CDKAL1: variants seen among roughly 807,000 people sequenced by gnomAD.
The protein encoded by CDKAL1 is threonylcarbamoyladenosine tRNA methylthiotransferase.
CDKAL1 carries 32 observed loss-of-function variants against 68.2 expected under a neutral mutation model. The observed-to-expected ratio is 0.47, with a 90% confidence interval of 0.35 to 0.63. The LOEUF (loss-of-function observed/expected upper bound fraction) is 0.63. CDKAL1 is among the 30% of genes least tolerant of loss of function. CDKAL1 has a pLI of 0.00. For synonymous variants in CDKAL1, 234 were observed against 244.3 expected (o/e 0.96, Z 0.39); for missense variants, 606 against 696.7 (o/e 0.87, Z 1.47).
rs543619441 is a variant in CDKAL1, at chr6:21,011,700, T to C, written c.1055+11328T>C. On this transcript the variant is annotated intron_variant, in intron 11 of 15. Coordinates refer to ENST00000274695, the MANE Select transcript of CDKAL1 (RefSeq NM_017774.3). ...ATGCAAGGAACATAAATGTTTACTA[T>C]AGGCTTTTTATGGATGAGAAAGAAA... Among the ~76,000 whole-genome samples, 9 of 152,320 alleles carry C rather than the reference T, an allele frequency of 5.9e-5. No individual in the cohort carries two copies. In the South Asian group the frequency reaches 1.7e-3, roughly 28 times the overall value.
chr6:20,577,906 G>C (rs1197918277), intron 4 of CDKAL1, among the ~76,000 whole-genome samples: 1 of 152,188 alleles, frequency 6.6e-6, no homozygotes, highest in Non-Finnish European at 1.5e-5. Flanking sequence ...ATGAGTGGAA[G>C]AATGAGCCAG....
At chr6:20,984,460 A>G (rs1766331830) in intron 10 of CDKAL1, among the ~76,000 whole-genome samples, 1 of 152,140 alleles carries the variant, frequency 6.6e-6, no homozygotes, top group African/African-American at 2.4e-5. Flanking sequence ...TTACAGTGCC[A>G]TTTTAGCTTT....
At chr6:20,782,067 C>G (rs982470432) in intron 8 of CDKAL1, among the ~76,000 whole-genome samples, 1 of 152,190 alleles carries the variant, frequency 6.6e-6, no homozygotes, top group East Asian at 1.9e-4. Context: ...TCATTGAGAA[C>G]CGGTGAACAG....
chr6:21,193,304 AAGAGAG>A (rs137984788), intron 13 of CDKAL1, among the ~76,000 whole-genome samples: 5 of 150,490 alleles, frequency 3.3e-5, no homozygotes, highest in South Asian at 2.1e-4. Flanking sequence ...ACTGTTTAAA[AAGAGAG>A]AGAGAGAGAG....
intron 11 of CDKAL1, among the ~76,000 whole-genome samples, chr6:21,057,433 T>C (rs927553214): frequency 1.3e-5 from 2 of 150,354 alleles, no homozygotes; most frequent in Non-Finnish European, 3.0e-5. Context: ...GTCCAGCTAG[T>C]AGTCTATCTA....
chr6:21,120,352 T>C (rs6926818), intron 13 of CDKAL1, among the ~76,000 whole-genome samples: 81,210 of 152,124 alleles, frequency 0.53, 22,653 homozygotes, highest in African/African-American at 0.7. Flanking sequence ...AGGGCTAAAA[T>C]CCAGTCTTTT....
chr6:21,217,720 A>G (rs1464308779), intron 15 of CDKAL1, among the ~76,000 whole-genome samples: 1 of 151,490 alleles, frequency 6.6e-6, no homozygotes, highest in Non-Finnish European at 1.5e-5. Context: ...CTGGTCTCGA[A>G]CTCCTGACCT....
At position 20,686,369 on chromosome 6, in the gene CDKAL1, T is replaced by C. The variant is rs536871904; in HGVS notation, c.371+36992T>C. Among the ~76,000 whole-genome samples the C allele has an allele frequency of 2.0e-5, 3 of 152,164 alleles. No homozygotes were observed. The South Asian group carries it at 6.2e-4, about 32-fold the overall frequency. ...CCCTTGCTTGCATTACCACCTGAGC[T>C]CCGCCTCCTGTCAGATCAGGGGCAG... On this transcript the variant is annotated intron_variant, in intron 5 of 15. Coordinates refer to ENST00000274695, the MANE Select transcript of CDKAL1 (RefSeq NM_017774.3).
intron 15 of CDKAL1, among the ~76,000 whole-genome samples, chr6:21,228,378 A>G (rs998349208): frequency 2.6e-5 from 4 of 152,154 alleles, no homozygotes; most frequent in African/African-American, 9.7e-5. Flanking sequence ...AAAGCCATCT[A>G]TGACTTACAA....
intron 13 of CDKAL1, among the ~76,000 whole-genome samples, chr6:21,195,493 A>T (rs1582396876): frequency 9.0e-6 from 1 of 110,676 alleles, no homozygotes. Flanking sequence ...TTATTTATTT[A>T]TTTATTTATT....
chr6:20,916,204 G>A (rs1762716028), intron 9 of CDKAL1, among the ~76,000 whole-genome samples: 1 of 152,144 alleles, frequency 6.6e-6, no homozygotes, highest in Non-Finnish European at 1.5e-5. Flanking sequence ...AAAACTGGTA[G>A]AATCCAAATA....
chr6:20,960,056 A>G (rs1297347441), intron 10 of CDKAL1, among the ~76,000 whole-genome samples: 1 of 152,194 alleles, frequency 6.6e-6, no homozygotes, highest in Non-Finnish European at 1.5e-5. Context: ...AGTGCTTTAC[A>G]TGTGTGATCT....
intron 11 of CDKAL1, among the ~76,000 whole-genome samples, chr6:21,019,695 G>A (rs757437068): frequency 3.3e-5 from 5 of 152,158 alleles, no homozygotes; most frequent in East Asian, 3.9e-4. Context: ...CGTGATTTCC[G>A]AAATTTTTTT....
intron 8 of CDKAL1, among the ~76,000 whole-genome samples, chr6:20,783,599 A>G (rs186412067): frequency 5.3e-5 from 8 of 152,132 alleles, no homozygotes; most frequent in Admixed American, 1.3e-4. Context: ...AGCCTCCTGC[A>G]CTCAACTATG....
At chr6:20,589,900 G>T (rs965765861) in intron 4 of CDKAL1, among the ~76,000 whole-genome samples, 2 of 152,166 alleles carry the variant, frequency 1.3e-5, no homozygotes, top group Non-Finnish European at 2.9e-5. Context: ...GAATTTGGGT[G>T]ATGGCACCAG....
intron 5 of CDKAL1, among the ~76,000 whole-genome samples, chr6:20,719,498 G>T (rs1214630523): frequency 6.6e-6 from 1 of 152,190 alleles, no homozygotes; most frequent in Admixed American, 6.5e-5. Flanking sequence ...ACTTTCATGT[G>T]GGTTCTGAGA....
intron 5 of CDKAL1, among the ~76,000 whole-genome samples, chr6:20,649,780 C>T (rs1027150445): frequency 2.6e-5 from 4 of 152,204 alleles, no homozygotes; most frequent in East Asian, 1.9e-4. Flanking sequence ...CATGTGTTCT[C>T]ATTGTTCAGC....
At chr6:20,954,376 T>TA (rs1764679704) in intron 9 of CDKAL1, among the ~76,000 whole-genome samples, 1 of 152,240 alleles carries the variant, frequency 6.6e-6, no homozygotes, top group African/African-American at 2.4e-5. Flanking sequence ...TTTAAAATTA[T>TA]AATTTTAAGA....
At chr6:21,206,987 A>T (rs1324286806) in intron 15 of CDKAL1, among the ~76,000 whole-genome samples, 1 of 149,908 alleles carries the variant, frequency 6.7e-6, no homozygotes, top group Non-Finnish European at 1.5e-5. Context: ...ATCTCGGCTC[A>T]CTGCCACCTT....
Sources: allele counts gnomAD v4.1 joint callset (sites outside exome capture counted in the v4.1 genomes callset), GRCh38; gene constraint gnomAD v4.1.1; transcripts MANE v1.5; gene names NCBI Gene and HGNC (gene_info 2026-07-23, HGNC 2026-07-21).